The following ADAMTS16 variants were observed in gnomAD, a reference collection of about 807,000 sequenced individuals.
ADAMTS16 encodes ADAM metallopeptidase with thrombospondin type 1 motif 16, also known as A disintegrin and metalloproteinase with thrombospondin motifs 16.
In ADAMTS16, 94 loss-of-function variants were observed where a neutral mutation model predicts 145.8. The ratio of observed to expected loss-of-function variants is 0.64; its 90% CI spans 0.55 to 0.77. The LOEUF is 0.77. Ranked by LOEUF, ADAMTS16 falls within the 30% of genes least tolerant of loss-of-function variation. The probability of loss-of-function intolerance (pLI) is 0.00; values close to 1 mark genes in which losing one functional copy is unlikely to be tolerated. For synonymous variants in ADAMTS16, 659 were observed against 604.3 expected, an observed-to-expected ratio of 1.09 and a Z score of -1.33; for missense variants, 1,585 against 1,591.5, an observed-to-expected ratio of 1.00 and a Z score of 0.07.
In ADAMTS16 at chr5:5,298,775, T is replaced by C. The variant is rs192380748; in HGVS notation, c.2790-4493T>C. 2.0e-5 allele frequency among the ~76,000 whole-genome samples: 3 copies of C among 152,364 alleles called. No homozygotes were observed. The East Asian group carries it at 5.8e-4, about 29-fold the overall frequency. ...ATTTTATATGAAGACAAGGTTGTAG[T>C]GTCTTCAAAAACCAAGTAATATTGA... On this transcript the variant is annotated intron_variant, in intron 18 of 22. Coordinates refer to ENST00000274181, the MANE Select transcript of ADAMTS16 (RefSeq NM_139056.4).
intron 10 of ADAMTS16, among the ~76,000 whole-genome samples, chr5:5,215,109 A>G (rs571077712): frequency 2.0e-4 from 31 of 152,242 alleles, no homozygotes; most frequent in Non-Finnish European, 4.6e-4. Context: ...TTTCCTTTGA[A>G]AAGTGAATAG....
chr5:5,201,278 C>G lies in ADAMTS16; in HGVS notation c.1451+1009C>G, dbSNP rs76973901. Among the ~76,000 whole-genome samples the G allele has an allele frequency of 2.9e-3, 435 of 152,232 alleles. 4 individuals carry two copies. Among genetic ancestry groups the G allele is most frequent in the African/African-American group, 9.7e-3 (402 of 41,532 alleles). ...GGGGCATTGAGAAATGTCCTCTACC[C>G]ATGTGCTCAGGTGACAGAGAGCCAT... On this transcript the variant is annotated intron_variant, in intron 9 of 22. Coordinates refer to ENST00000274181, the MANE Select transcript of ADAMTS16 (RefSeq NM_139056.4).
At chr5:5,279,608 A>G (rs1388267523) in intron 18 of ADAMTS16, among the ~76,000 whole-genome samples, 1 of 152,106 alleles carries the variant, frequency 6.6e-6, no homozygotes, top group East Asian at 1.9e-4. Flanking sequence ...ACTCTAACAC[A>G]GTAGACAAAT....
chr5:5,225,359 T>A (rs1736730239), intron 11 of ADAMTS16, among the ~76,000 whole-genome samples: 1 of 152,052 alleles, frequency 6.6e-6, no homozygotes, highest in African/African-American at 2.4e-5. Flanking sequence ...CTCAGCACTT[T>A]GGAAAGCTGA....
At chr5:5,221,309 T>C (rs1479828893) in intron 10 of ADAMTS16, among the ~76,000 whole-genome samples, 1 of 152,058 alleles carries the variant, frequency 6.6e-6, no homozygotes, top group Non-Finnish European at 1.5e-5. Context: ...TGACACCATA[T>C]AGTAATGAAC....
At chr5:5,252,449 C>A (rs557665363) in intron 17 of ADAMTS16, among the ~76,000 whole-genome samples, 1 of 152,128 alleles carries the variant, frequency 6.6e-6, no homozygotes, top group Admixed American at 6.5e-5. Flanking sequence ...AAAGGCCCAC[C>A]TTTACGACCT....
Position 5,237,115 on chromosome 5 carries a change from C to T in ADAMTS16, c.2154+16C>T. Reference sequence around the variant, plus strand: ...GATATGTGAGGTAATCATGATCCTTCATTCATTCAACAAATGATTCCGGAC... The same window carrying T: ...GATATGTGAGGTAATCATGATCCTTTATTCATTCAACAAATGATTCCGGAC... On this transcript the variant is annotated intron_variant, in intron 14 of 22. Transcript: ENST00000274181. The T allele has an allele frequency of 6.2e-7, 1 of 1,611,290 alleles. No homozygotes were observed. Among genetic ancestry groups the T allele is most frequent in the Non-Finnish European group, 8.5e-7 (1 of 1,178,842 alleles).
chr5:5,277,886 G>A (rs1039155813), intron 18 of ADAMTS16, among the ~76,000 whole-genome samples: 18 of 152,092 alleles, frequency 1.2e-4, no homozygotes, highest in African/African-American at 3.9e-4. Flanking sequence ...GGAGGCTGAG[G>A]CAGGAGGATT....
chr5:5,156,062 A>C (rs1437905116), intron 3 of ADAMTS16, among the ~76,000 whole-genome samples: 1 of 152,090 alleles, frequency 6.6e-6, no homozygotes, highest in Admixed American at 6.5e-5. Flanking sequence ...CTAGACAGGA[A>C]AGAGCAGGTT....
intron 3 of ADAMTS16, among the ~76,000 whole-genome samples, chr5:5,162,988 A>T (rs1734782743): frequency 6.6e-6 from 1 of 152,128 alleles, no homozygotes; most frequent in South Asian, 2.1e-4. Context: ...CATTATTTCC[A>T]TTTAATGTGG....
At chr5:5,272,022 C>G (rs906064550) in intron 18 of ADAMTS16, among the ~76,000 whole-genome samples, 1 of 152,106 alleles carries the variant, frequency 6.6e-6, no homozygotes, top group African/African-American at 2.4e-5. Context: ...GAAACACTTG[C>G]AATGAAAAGG....
intron 18 of ADAMTS16, among the ~76,000 whole-genome samples, chr5:5,265,233 G>A (rs1296100827): frequency 2.0e-5 from 3 of 152,210 alleles, no homozygotes; most frequent in Admixed American, 2.0e-4. Context: ...AAGGTGGTCA[G>A]GACAGATTTT....
At chr5:5,245,901 A>G (rs1423193296) in intron 17 of ADAMTS16, among the ~76,000 whole-genome samples, 1 of 151,974 alleles carries the variant, frequency 6.6e-6, no homozygotes, top group Non-Finnish European at 1.5e-5. Flanking sequence ...TTTAATTTCA[A>G]TGTTCCTGCT....
chr5:5,178,439 A>G (rs1368415010), intron 3 of ADAMTS16, among the ~76,000 whole-genome samples: 2 of 152,202 alleles, frequency 1.3e-5, no homozygotes, highest in Non-Finnish European at 2.9e-5. Context: ...TAAGAAGAAA[A>G]CATTAATCTT....
intron 17 of ADAMTS16, among the ~76,000 whole-genome samples, chr5:5,246,947 C>T (rs1737460992): frequency 6.6e-6 from 1 of 152,158 alleles, no homozygotes; most frequent in Admixed American, 6.5e-5. Flanking sequence ...TGTGAGAATT[C>T]AGAGAGATCT....
chr5:5,309,270 C>A (rs956579573), intron 21 of ADAMTS16, among the ~76,000 whole-genome samples: 1 of 152,198 alleles, frequency 6.6e-6, no homozygotes, highest in African/African-American at 2.4e-5. Context: ...ACATGCTGCA[C>A]ACTTCTTCGT....
rs184224155 is a variant in ADAMTS16 at position 5,158,483 on chromosome 5, T to A, written c.501+12028T>A. 2.6e-3 allele frequency among the ~76,000 whole-genome samples: 385 copies of A among 146,906 alleles called. 1 individual carries two copies. Among genetic ancestry groups the A allele is most frequent in the African/African-American group, 8.3e-3 (340 of 41,098 alleles). On this transcript the variant is annotated intron_variant, in intron 3 of 22. Transcript: ENST00000274181. Reference sequence around the variant, plus strand: ...ATCTAAAACTGGACCTAAGTTGCATTTGGGAAGCATACACTCCCCAATCAG... The same window carrying A: ...ATCTAAAACTGGACCTAAGTTGCATATGGGAAGCATACACTCCCCAATCAG...
intron 18 of ADAMTS16, among the ~76,000 whole-genome samples, chr5:5,264,178 G>A (rs1031021798): frequency 1.3e-5 from 2 of 152,074 alleles, no homozygotes; most frequent in African/African-American, 2.4e-5. Flanking sequence ...AGAACCAATC[G>A]GAAGAGAGCA....
At chr5:5,218,875 T>C (rs1170672588) in intron 10 of ADAMTS16, among the ~76,000 whole-genome samples, 12 of 152,150 alleles carry the variant, frequency 7.9e-5, no homozygotes, top group Non-Finnish European at 1.8e-4. Flanking sequence ...CATTCATCTT[T>C]CCACCGTCAC....
Sources: gnomAD v4.1 joint callset for allele counts (sites outside exome capture counted in the v4.1 genomes callset) on GRCh38, gnomAD v4.1.1 for gene constraint, MANE v1.5 for transcripts, NCBI Gene and HGNC (gene_info 2026-07-23, HGNC 2026-07-21) for gene names.